Variants in MSI2 observed in about 807,000 individuals in gnomAD.
The protein encoded by MSI2 is musashi RNA binding protein 2.
MSI2 carries 17 observed loss-of-function variants against 45.6 expected under a neutral mutation model. The observed-to-expected ratio is 0.37, with a 90% CI of 0.26 to 0.56. MSI2 has a LOEUF of 0.56. MSI2 is among the 20% of genes least tolerant of loss of function. MSI2 has a pLI of 0.77. For missense variants in MSI2, 293 were observed against 444.2 expected, an observed-to-expected ratio of 0.66 and a Z score of 3.06; for synonymous variants, 156 against 158.2, an observed-to-expected ratio of 0.99 and a Z score of 0.11.
chr17:57,428,363 CAGGCATG>C (rs1238299683), intron 6 of MSI2, among the ~76,000 whole-genome samples: 2 of 151,822 alleles, frequency 1.3e-5, no homozygotes, highest in Non-Finnish European at 2.9e-5. Flanking sequence ...GTTGGGATTA[CAGGCATG>C]AGCCACCCCA....
intron 5 of MSI2, among the ~76,000 whole-genome samples, chr17:57,360,025 G>A (rs1018008824): frequency 1.3e-4 from 20 of 152,212 alleles, no homozygotes; most frequent in African/African-American, 4.3e-4. Flanking sequence ...GAGAAGTGCT[G>A]TAGACCCTGT....
At chr17:57,699,186 T>A in the MSI2 span, among the ~76,000 whole-genome samples, 144 of 82,630 alleles carry the variant, frequency 1.7e-3, no homozygotes, top group East Asian at 6.3e-3. Flanking sequence ...AGAGAGAGTG[T>A]GTGTGTGTGT....
chr17:57,495,150 A>G (rs931909692), intron 6 of MSI2, among the ~76,000 whole-genome samples: 33 of 152,322 alleles, frequency 2.2e-4, no homozygotes, highest in African/African-American at 7.7e-4. Context: ...AGGGAGGCCC[A>G]GCAAGTGGGA....
intron 5 of MSI2, among the ~76,000 whole-genome samples, chr17:57,317,531 G>A (rs1466745299): frequency 6.6e-5 from 6 of 90,906 alleles, no homozygotes; most frequent in Non-Finnish European, 1.0e-4. Flanking sequence ...TTTTTTTTGA[G>A]ACGGGGTCTC....
At chr17:57,496,740 C>A (rs556931865) in intron 6 of MSI2, among the ~76,000 whole-genome samples, 1 of 152,240 alleles carries the variant, frequency 6.6e-6, no homozygotes, top group Admixed American at 6.5e-5. Flanking sequence ...AGGGTGGGAA[C>A]AAGACAGTTC....
chr17:57,696,860 C>G, the MSI2 span, among the ~76,000 whole-genome samples: 2 of 152,148 alleles, frequency 1.3e-5, no homozygotes, highest in Non-Finnish European at 2.9e-5. Context: ...CCCAGTCCTA[C>G]CCATCCTTCT....
At chr17:57,579,265 C>T (rs2088135234) in intron 7 of MSI2, among the ~76,000 whole-genome samples, 1 of 152,192 alleles carries the variant, frequency 6.6e-6, no homozygotes, top group African/African-American at 2.4e-5. Context: ...GGCCAAGTGG[C>T]AGAATGGCCG....
intron 11 of MSI2, among the ~76,000 whole-genome samples, chr17:57,653,933 C>G (rs1401845663): frequency 1.9e-5 from 2 of 105,298 alleles, no homozygotes; most frequent in Non-Finnish European, 3.7e-5. Flanking sequence ...TCTCCAGTCA[C>G]ACATTTTTTT....
chr17:57,667,997 G>A (rs1277725827), intron 11 of MSI2, among the ~76,000 whole-genome samples: 1 of 152,110 alleles, frequency 6.6e-6, no homozygotes, highest in Non-Finnish European at 1.5e-5. Context: ...TCAGGAGTTC[G>A]AGACCAACCT....
At chr17:57,631,463 C>A in intron 10 of MSI2, 1 of 298,322 alleles carries the variant, frequency 3.4e-6, no homozygotes, top group Non-Finnish European at 6.2e-6. Context: ...CTTCCTGGGC[C>A]ACACAGCTGG....
rs149975566 is a variant in MSI2, at chr17:57,497,920, G to A, written c.406-31756G>A. Among the ~76,000 whole-genome samples, 25 of 152,238 alleles carry A rather than the reference G, an allele frequency of 1.6e-4. No homozygotes were observed. In the East Asian group the frequency reaches 4.4e-3, roughly 27 times the overall value. On this transcript the variant is annotated intron_variant, in intron 6 of 13. Transcript: ENST00000284073. ...TTCATACCAAGAGAGCTGGTCCTTGGTACATTATACCCTACTGGGCTGGGG... is the reference window on the plus strand; with the variant it reads ...TTCATACCAAGAGAGCTGGTCCTTGATACATTATACCCTACTGGGCTGGGG...
chr17:57,301,245 T>G (rs1911394504), intron 5 of MSI2, among the ~76,000 whole-genome samples: 1 of 152,170 alleles, frequency 6.6e-6, no homozygotes, highest in Non-Finnish European at 1.5e-5. Context: ...GAAGTTTGAC[T>G]TGACACAAGG....
intron 5 of MSI2, among the ~76,000 whole-genome samples, chr17:57,275,832 A>G (rs988023409): frequency 1.3e-5 from 2 of 152,224 alleles, no homozygotes; most frequent in Non-Finnish European, 2.9e-5. Flanking sequence ...TGCTCCATTA[A>G]GTGATCACTA....
intron 7 of MSI2, among the ~76,000 whole-genome samples, chr17:57,581,691 C>T (rs2144369969): frequency 6.6e-6 from 1 of 152,302 alleles, no homozygotes; most frequent in Non-Finnish European, 1.5e-5. Context: ...TCCAGATCCC[C>T]AGGGCTGCCC....
chr17:57,271,748 T>C (rs1908397443), intron 5 of MSI2, among the ~76,000 whole-genome samples: 2 of 100,670 alleles, frequency 2.0e-5, no homozygotes, highest in Admixed American at 2.0e-4. Context: ...TGCAATCTTT[T>C]TTTTTTTTTT....
rs973986916 is a variant in MSI2 at position 57,385,213 on chromosome 17, T to A, written c.313-16166T>A. 5.9e-5 allele frequency among the ~76,000 whole-genome samples: 9 copies of A among 152,222 alleles called. No individual in the cohort carries two copies. In the South Asian group the frequency reaches 1.9e-3, roughly 32 times the overall value. ...AAGCTGGTCATGTTATTCCCCAGCT[T>A]AAAATGGTTACCCTTTGTCTACAGG... On this transcript the variant is annotated intron_variant, in intron 5 of 13. Coordinates refer to ENST00000284073, the MANE Select transcript of MSI2 (RefSeq NM_138962.4).
At chr17:57,479,698 G>A (rs1567848671) in intron 6 of MSI2, among the ~76,000 whole-genome samples, 1 of 152,132 alleles carries the variant, frequency 6.6e-6, no homozygotes, top group East Asian at 1.9e-4. Flanking sequence ...TTGTATTTTT[G>A]TTTGTTCTTC....
intron 7 of MSI2, among the ~76,000 whole-genome samples, chr17:57,586,302 A>G (rs2088346124): frequency 6.6e-6 from 1 of 152,118 alleles, no homozygotes; most frequent in African/African-American, 2.4e-5. Flanking sequence ...ATCAGTATTC[A>G]TGACAGATTT....
intron 6 of MSI2, among the ~76,000 whole-genome samples, chr17:57,411,724 T>G (rs1261285894): frequency 1.3e-5 from 2 of 152,066 alleles, no homozygotes; most frequent in Non-Finnish European, 2.9e-5. Flanking sequence ...GTTACTATGG[T>G]ATGGCCAGGC....
Sources: allele counts gnomAD v4.1 joint callset (sites outside exome capture counted in the v4.1 genomes callset), GRCh38; gene constraint gnomAD v4.1.1; transcripts MANE v1.5; gene names NCBI Gene and HGNC (gene_info 2026-07-23, HGNC 2026-07-21).